SDK1: variants seen among roughly 807,000 people sequenced by gnomAD.
SDK1 encodes protein sidekick-1.
Under a neutral mutation model 245.5 loss-of-function variants are expected in SDK1, and 157 were observed. The observed-to-expected ratio is 0.64, with a 90% CI of 0.56 to 0.73. SDK1 has a LOEUF of 0.73. Ranked by LOEUF, SDK1 falls within the 30% of genes least tolerant of loss-of-function variation. The pLI is 0.00. For missense variants in SDK1, 3,583 were observed against 3,002.3 expected, an observed-to-expected ratio of 1.19 and a Z score of -4.52; for synonymous variants, 1,647 against 1,278.5, an observed-to-expected ratio of 1.29 and a Z score of -6.15.
intron 1 of SDK1, among the ~76,000 whole-genome samples, chr7:3,507,072 A>G (rs1043077871): frequency 6.6e-6 from 1 of 152,098 alleles, no homozygotes; most frequent in East Asian, 1.9e-4. Flanking sequence ...ACTGTGTATT[A>G]TCATATGGTT....
At chr7:4,222,827 T>C (rs1017783899) in intron 40 of SDK1, among the ~76,000 whole-genome samples, 10 of 152,132 alleles carry the variant, frequency 6.6e-5, no homozygotes, top group African/African-American at 2.4e-4. Context: ...TGAAAGCCCA[T>C]GGCCCCTCAC....
At chr7:3,777,347 A>G (rs1780597692) in intron 4 of SDK1, among the ~76,000 whole-genome samples, 1 of 152,230 alleles carries the variant, frequency 6.6e-6, no homozygotes. Context: ...AAATAGTTGC[A>G]TGTTTGAGGA....
intron 1 of SDK1, among the ~76,000 whole-genome samples, chr7:3,610,949 C>T (rs1311519617): frequency 1.3e-5 from 2 of 152,178 alleles, no homozygotes; most frequent in African/African-American, 4.8e-5. Context: ...TTTTTGAGTA[C>T]AAAATGATGA....
chr7:4,041,388 C>G (rs1242203874), intron 17 of SDK1, among the ~76,000 whole-genome samples: 1 of 151,874 alleles, frequency 6.6e-6, no homozygotes, highest in African/African-American at 2.4e-5. Flanking sequence ...CAAAGCCTCT[C>G]CCACTATCAG....
intron 4 of SDK1, among the ~76,000 whole-genome samples, chr7:3,779,711 T>C (rs1415959180): frequency 1.3e-5 from 2 of 152,090 alleles, no homozygotes; most frequent in East Asian, 3.9e-4. Context: ...GGCGGGTGGA[T>C]CATGAGGTCA....
intron 4 of SDK1, among the ~76,000 whole-genome samples, chr7:3,777,157 C>T (rs1562435586): frequency 6.6e-6 from 1 of 152,212 alleles, no homozygotes; most frequent in Non-Finnish European, 1.5e-5. Context: ...CACTGTAGGG[C>T]TGTAAACTTT....
intron 1 of SDK1, among the ~76,000 whole-genome samples, chr7:3,553,533 C>T (rs543082409): frequency 6.6e-6 from 1 of 152,194 alleles, no homozygotes; most frequent in South Asian, 2.1e-4. Context: ...AGAGGCAGAC[C>T]TGGCCTTTCT....
chr7:3,445,866 T>C (rs774305826), intron 1 of SDK1, among the ~76,000 whole-genome samples: 13 of 152,148 alleles, frequency 8.5e-5, no homozygotes, highest in Non-Finnish European at 1.8e-4. Flanking sequence ...TTCCTTTCCT[T>C]CCTGATGTTC....
intron 1 of SDK1, among the ~76,000 whole-genome samples, chr7:3,328,666 A>G (rs192729902): frequency 8.5e-4 from 130 of 152,094 alleles, no homozygotes; most frequent in Non-Finnish European, 1.6e-3. Context: ...TATATATTTC[A>G]AAAATTCATA....
chr7:4,255,974 C>T (rs888429755), intron 44 of SDK1, among the ~76,000 whole-genome samples: 1 of 134,934 alleles, frequency 7.4e-6, no homozygotes, highest in African/African-American at 3.0e-5. Flanking sequence ...GGCTGGAGTG[C>T]AGTGGTGCGA....
intron 1 of SDK1, among the ~76,000 whole-genome samples, chr7:3,334,735 A>G (rs1336910196): frequency 6.6e-6 from 1 of 151,696 alleles, no homozygotes; most frequent in Non-Finnish European, 1.5e-5. Context: ...TCTGTTCTTG[A>G]CTTCTCTTTG....
intron 38 of SDK1, among the ~76,000 whole-genome samples, chr7:4,215,595 A>G (rs1285190844): frequency 2.6e-5 from 4 of 152,208 alleles, no homozygotes; most frequent in African/African-American, 7.2e-5. Flanking sequence ...TCAATGTGTG[A>G]CCGCAGACAT....
At chr7:3,901,980 C>T (rs1358011963) in intron 5 of SDK1, among the ~76,000 whole-genome samples, 1 of 152,192 alleles carries the variant, frequency 6.6e-6, no homozygotes, top group African/African-American at 2.4e-5. Flanking sequence ...ATGTTCTCCT[C>T]TGTCTTTGAG....
intron 5 of SDK1, among the ~76,000 whole-genome samples, chr7:3,892,900 C>T (rs578062261): frequency 6.6e-6 from 1 of 152,160 alleles, no homozygotes; most frequent in South Asian, 2.1e-4. Flanking sequence ...TAAGCAGAAT[C>T]GTGGGTTGCT....
At chr7:3,844,292 G>A (rs1228675788) in intron 5 of SDK1, among the ~76,000 whole-genome samples, 7 of 152,134 alleles carry the variant, frequency 4.6e-5, no homozygotes, top group Non-Finnish European at 5.9e-5. Flanking sequence ...ATTTTAGACC[G>A]TATTGCCAAT....
At chr7:3,314,431 T>C (rs1028636663) in intron 1 of SDK1, among the ~76,000 whole-genome samples, 2 of 152,200 alleles carry the variant, frequency 1.3e-5, no homozygotes, top group Non-Finnish European at 2.9e-5. Flanking sequence ...GAGAGTTAGA[T>C]TAAATGTGCA....
chr7:3,400,824 T>C (rs907128544), intron 1 of SDK1, among the ~76,000 whole-genome samples: 1 of 152,214 alleles, frequency 6.6e-6, no homozygotes, highest in African/African-American at 2.4e-5. Context: ...GAATCTATTA[T>C]GCAACAGAGC....
At chr7:3,942,439 C>G (rs1026507482) in intron 5 of SDK1, among the ~76,000 whole-genome samples, 3 of 152,176 alleles carry the variant, frequency 2.0e-5, no homozygotes, top group Admixed American at 2.0e-4. Context: ...TGGCAAAATT[C>G]TAAAGCATTT....
Position 4,026,407 on chromosome 7 carries a change from T to A in SDK1, c.2602+9055T>A, listed in dbSNP as rs570881910. 6.6e-6 allele frequency among the ~76,000 whole-genome samples: 1 copy of A among 152,290 alleles called. No individual in the cohort carries two copies. Among genetic ancestry groups the A allele is most frequent in the South Asian group, 2.1e-4 (1 of 4,830 alleles). On this transcript the variant is annotated intron_variant, in intron 17 of 44. Coordinates refer to ENST00000404826, the MANE Select transcript of SDK1 (RefSeq NM_152744.4). This position sits in a 1 kb window ranked among gnomAD's most constrained non-coding sequence, Gnocchi z 4.1. Reference sequence around the variant, plus strand: ...AGGAATGAAACTGGTATTTTGTGAATAGAAATAACATCTTGTTCCTAACTG... The same window carrying A: ...AGGAATGAAACTGGTATTTTGTGAAAAGAAATAACATCTTGTTCCTAACTG...
Sources: allele counts gnomAD v4.1 joint callset (sites outside exome capture counted in the v4.1 genomes callset), GRCh38; gene constraint gnomAD v4.1.1; non-coding constraint Gnocchi (gnomAD v3.1); transcripts MANE v1.5; gene names NCBI Gene and HGNC (gene_info 2026-07-23, HGNC 2026-07-21).